RMDN2: variants seen among roughly 807,000 people sequenced by gnomAD.
RMDN2 encodes the protein regulator of microtubule dynamics 2.
A neutral mutation model predicts 52.8 loss-of-function variants in RMDN2; 61 were observed. The ratio of observed to expected loss-of-function variants is 1.16; its 90% CI spans 0.94 to 1.43. The LOEUF is 1.43. Among genes scored for constraint, RMDN2 ranks in the 40% most tolerant of loss-of-function variants. RMDN2 has a pLI of 0.00. For missense variants in RMDN2, 592 were observed against 475.3 expected, an observed-to-expected ratio of 1.25 and a Z score of -2.28; for synonymous variants, 180 against 153.1, an observed-to-expected ratio of 1.18 and a Z score of -1.30.
chr2:37,950,351 T>G lies in RMDN2; in HGVS notation c.452+20622T>G, dbSNP rs568797413. The G allele has an allele frequency of 5.5e-4, 663 of 1,198,172 alleles. 1 individual carries two copies. The highest frequency in any genetic ancestry group is 7.2e-4 in the Non-Finnish European group (612 of 846,024). 74.2% of individuals were successfully genotyped at this position (1,198,172 alleles called of 1,614,324 possible). On this transcript the variant is annotated intron_variant, in intron 2 of 10. Coordinates refer to ENST00000354545, the MANE Select transcript of RMDN2 (RefSeq NM_001170791.3). The stretch of plus-strand genomic sequence containing the variant: ...GGTAGAAACACATTCCACAGCCATG[T>G]GAATTCCAACTTCGGAGAAAGGTGA...
At chr2:37,942,325 A>G (rs1383683768) in intron 2 of RMDN2, among the ~76,000 whole-genome samples, 1 of 151,992 alleles carries the variant, frequency 6.6e-6, no homozygotes, top group African/African-American at 2.4e-5. Flanking sequence ...GATGCTGCAG[A>G]CTGGAGCTGT....
At chr2:38,034,320 A>G (rs563861958) in intron 10 of RMDN2, among the ~76,000 whole-genome samples, 2 of 152,320 alleles carry the variant, frequency 1.3e-5, no homozygotes, top group African/African-American at 4.8e-5. Context: ...ACTATCTTGG[A>G]CATATTAGGT....
chr2:37,997,563 C>A, intron 8 of RMDN2, 49 bp downstream of exon 8: 2 of 1,142,634 alleles, frequency 1.8e-6, no homozygotes, highest in Non-Finnish European at 2.6e-6. Context: ...TTACCATCTG[C>A]ACCAATCCCT....
At chr2:37,938,737 G>C (rs921440497) in intron 2 of RMDN2, among the ~76,000 whole-genome samples, 5 of 152,124 alleles carry the variant, frequency 3.3e-5, no homozygotes, top group African/African-American at 1.2e-4. Context: ...AATCAGTGGT[G>C]ATCTCCCCTT....
chr2:38,063,067 A>G (rs373467102), intron 10 of RMDN2, among the ~76,000 whole-genome samples: 1 of 152,122 alleles, frequency 6.6e-6, no homozygotes, highest in Non-Finnish European at 1.5e-5. Flanking sequence ...GAATAGTGCC[A>G]CTATAAACAT....
At chr2:38,055,794 T>G (rs146298986) in intron 10 of RMDN2, among the ~76,000 whole-genome samples, 2 of 152,116 alleles carry the variant, frequency 1.3e-5, no homozygotes, top group African/African-American at 4.8e-5. Flanking sequence ...CTGGAATAGA[T>G]TGCATGCCCC....
At chr2:38,002,612 G>T (rs961926515) in intron 8 of RMDN2, among the ~76,000 whole-genome samples, 9 of 152,106 alleles carry the variant, frequency 5.9e-5, no homozygotes, top group Non-Finnish European at 8.8e-5. Flanking sequence ...ATGTAAAATG[G>T]TTCCATTTTG....
intron 10 of RMDN2, chr2:38,029,403 G>T (rs1322055267): frequency 6.6e-6 from 1 of 152,172 alleles, no homozygotes; most frequent in East Asian, 1.9e-4. Flanking sequence ...AGCCAGTTGT[G>T]CTCTCACCCA....
chr2:37,982,093 C>G (rs1468129338), intron 5 of RMDN2, among the ~76,000 whole-genome samples: 3 of 152,074 alleles, frequency 2.0e-5, no homozygotes, highest in Non-Finnish European at 4.4e-5. Context: ...TTCCAGAAAT[C>G]CACCCTTCTT....
At chr2:38,055,722 T>C (rs1200230918) in intron 10 of RMDN2, among the ~76,000 whole-genome samples, 1 of 152,100 alleles carries the variant, frequency 6.6e-6, no homozygotes, top group Non-Finnish European at 1.5e-5. Flanking sequence ...TGTGTGTCTT[T>C]TAAAGAACAA....
At chr2:37,921,528 T>C (rs2124865154), upstream of RMDN2, among the ~76,000 whole-genome samples, 1 of 152,314 alleles carries the variant, frequency 6.6e-6, no homozygotes, top group Non-Finnish European at 1.5e-5. Context: ...GGGCAAATGA[T>C]CAGATTTGAG....
At chr2:37,938,516 T>C (rs917263237) in intron 2 of RMDN2, among the ~76,000 whole-genome samples, 1 of 152,224 alleles carries the variant, frequency 6.6e-6, no homozygotes. Flanking sequence ...TGTGAATCTG[T>C]GTGGAGCTGA....
intron 10 of RMDN2, among the ~76,000 whole-genome samples, chr2:38,022,792 C>T (rs961469730): frequency 6.6e-6 from 1 of 152,122 alleles, no homozygotes; most frequent in African/African-American, 2.4e-5. Context: ...TTATACTTTT[C>T]GATTTCAAAA....
At chr2:38,050,949 G>T (rs1329315796) in intron 10 of RMDN2, among the ~76,000 whole-genome samples, 1 of 152,110 alleles carries the variant, frequency 6.6e-6, no homozygotes, top group African/African-American at 2.4e-5. Flanking sequence ...TTTTAGTAGA[G>T]ACCAGGTTTC....
chr2:37,997,681 T>G, intron 8 of RMDN2, 167 bp downstream of exon 8: 1 of 591,046 alleles, frequency 1.7e-6, no homozygotes, highest in Admixed American at 3.0e-5. Flanking sequence ...TAATATGTTT[T>G]AAGTCTAAAC....
At chr2:37,928,335 G>A (rs1055893080) in intron 1 of RMDN2, among the ~76,000 whole-genome samples, 1 of 152,154 alleles carries the variant, frequency 6.6e-6, no homozygotes, top group Non-Finnish European at 1.5e-5. Context: ...ATCCTAACCA[G>A]TAGACCACCA....
intron 2 of RMDN2, among the ~76,000 whole-genome samples, chr2:37,957,045 C>A (rs973069294): frequency 6.6e-6 from 1 of 152,174 alleles, no homozygotes; most frequent in East Asian, 1.9e-4. Context: ...TTTCTTTATT[C>A]AGTCTATCAC....
chr2:37,984,961 G>A (rs1673806016), intron 5 of RMDN2, among the ~76,000 whole-genome samples: 1 of 152,076 alleles, frequency 6.6e-6, no homozygotes, highest in Non-Finnish European at 1.5e-5. Context: ...GGGAGAAAGT[G>A]ACCAGGTAGC....
Position 38,004,191 on chromosome 2 carries a change from T to A in RMDN2, c.1154T>A (p.Leu385Ter), listed in dbSNP as rs554850256. The change falls in exon 10 of 11, where the codon TTA becomes TAA. Residue 385 changes from leucine (L) to a stop codon, truncating the protein, a stop_gained. Coordinates refer to ENST00000354545, the MANE Select transcript of RMDN2 (RefSeq NM_001170791.3). LOFTEE classifies it high-confidence loss of function. ...GCTTTGAAGTTCTGTAATTTGGCTT[T>A]ATTGCTTCCTACTGTTACCAAAGAG... ...QNALKFCNLALLLPTVTKEDK... is the reference protein window; with the variant it reads ...QNALKFCNLA 6.2e-7 allele frequency: 1 copy of A among 1,613,616 alleles called. No homozygotes were observed. The highest frequency in any genetic ancestry group is 8.5e-7 in the Non-Finnish European group (1 of 1,179,764).
Sources: allele counts gnomAD v4.1 joint callset (sites outside exome capture counted in the v4.1 genomes callset), GRCh38; gene constraint gnomAD v4.1.1; transcripts MANE v1.5; gene names NCBI Gene and HGNC (gene_info 2026-07-23, HGNC 2026-07-21).